GRIP1: variants seen among roughly 807,000 people sequenced by gnomAD.
The protein encoded by GRIP1 is glutamate receptor-interacting protein 1.
A neutral mutation model predicts 129.9 loss-of-function variants in GRIP1; 45 were observed. That is an observed-to-expected ratio of 0.35 (90% CI 0.27 to 0.44). The LOEUF is 0.44. GRIP1 is among the 20% of genes least tolerant of loss of function. The pLI, the probability that GRIP1 is intolerant of heterozygous loss-of-function variation, is 1.00. For missense variants in GRIP1, 1,196 were observed against 1,396.8 expected (o/e 0.86, Z 2.29); for synonymous variants, 530 against 520.8 (o/e 1.02, Z -0.24).
chr12:66,543,306 C>T (rs1236947179), intron 2 of GRIP1, among the ~76,000 whole-genome samples: 1 of 152,046 alleles, frequency 6.6e-6, no homozygotes, highest in Non-Finnish European at 1.5e-5. Flanking sequence ...ATGGCAGTCT[C>T]ATGACACTGT....
intron 16 of GRIP1, 147 bp downstream of exon 16, chr12:66,406,136 A>T (rs1322616535): frequency 8.6e-6 from 6 of 698,302 alleles, no homozygotes; most frequent in Non-Finnish European, 1.5e-5. Context: ...CTACACTCTC[A>T]GCACAAAATT....
intron 1 of GRIP1, among the ~76,000 whole-genome samples, chr12:66,707,568 T>C (rs2035577175): frequency 1.3e-5 from 2 of 149,836 alleles, no homozygotes; most frequent in African/African-American, 2.5e-5. Flanking sequence ...AGACGCTTAA[T>C]GTCCTTGGTC....
At chr12:66,989,724 G>T (rs1381547065) in intron 1 of GRIP1, among the ~76,000 whole-genome samples, 2 of 152,078 alleles carry the variant, frequency 1.3e-5, no homozygotes, top group Non-Finnish European at 1.5e-5. Context: ...CACTACACAA[G>T]GAAGAAAAAT....
chr12:67,018,055 G>A (rs576516269), intron 1 of GRIP1, among the ~76,000 whole-genome samples: 1 of 152,288 alleles, frequency 6.6e-6, no homozygotes, highest in Non-Finnish European at 1.5e-5. Flanking sequence ...AAGTTTGGCC[G>A]AGGTGTGGTT....
intron 2 of GRIP1, among the ~76,000 whole-genome samples, chr12:66,561,674 T>C (rs1337096904): frequency 1.3e-5 from 2 of 152,124 alleles, no homozygotes; most frequent in Non-Finnish European, 2.9e-5. Context: ...CACTAAATCC[T>C]TGTGTGCCCT....
At chr12:67,064,910 A>T in intron 1 of GRIP1, 1 of 57,818 alleles carries the variant, frequency 1.7e-5, no homozygotes, top group Non-Finnish European at 3.2e-5. Context: ...CCCTCCCCCC[A>T]CCCCACAACA....
chr12:67,050,949 T>A (rs951128202), intron 1 of GRIP1, among the ~76,000 whole-genome samples: 1 of 152,200 alleles, frequency 6.6e-6, no homozygotes, highest in Non-Finnish European at 1.5e-5. Flanking sequence ...ACTACGGGAA[T>A]GTCAGGACCT....
chr12:67,020,992 G>A (rs1453755184), intron 1 of GRIP1, among the ~76,000 whole-genome samples: 1 of 151,910 alleles, frequency 6.6e-6, no homozygotes, highest in African/African-American at 2.4e-5. Context: ...CAGATACTCT[G>A]GGAGCTGAAA....
chr12:66,620,752 A>G (rs1046199042), intron 1 of GRIP1, among the ~76,000 whole-genome samples: 5 of 149,262 alleles, frequency 3.3e-5, no homozygotes, highest in African/African-American at 1.2e-4. Context: ...TCTTCTTATG[A>G]CACTCTTCCC....
intron 2 of GRIP1, among the ~76,000 whole-genome samples, chr12:66,594,573 A>G (rs1351457893): frequency 1.3e-5 from 2 of 152,184 alleles, no homozygotes; most frequent in Non-Finnish European, 2.9e-5. Context: ...AATGTGGCCC[A>G]GGGAAGCTAA....
At chr12:66,523,267 G>A (rs2139010947) in intron 5 of GRIP1, among the ~76,000 whole-genome samples, 1 of 151,320 alleles carries the variant, frequency 6.6e-6, no homozygotes, top group East Asian at 1.9e-4. Flanking sequence ...AAATGTTAAA[G>A]GCAGCCAGAG....
chr12:66,989,384 T>G (rs745487149), intron 1 of GRIP1, among the ~76,000 whole-genome samples: 1 of 152,160 alleles, frequency 6.6e-6, no homozygotes, highest in Non-Finnish European at 1.5e-5. Context: ...AAGCGTCAAA[T>G]TTGGGAGTTA....
intron 2 of GRIP1, among the ~76,000 whole-genome samples, chr12:66,583,223 G>A (rs889008027): frequency 4.6e-5 from 7 of 150,912 alleles, no homozygotes; most frequent in Non-Finnish European, 1.0e-4. Flanking sequence ...GCTGAAACTG[G>A]ATCCCTTCCT....
intron 11 of GRIP1, among the ~76,000 whole-genome samples, chr12:66,452,980 A>G (rs950331541): frequency 6.6e-6 from 1 of 152,186 alleles, no homozygotes; most frequent in African/African-American, 2.4e-5. Flanking sequence ...TGATCTCCTG[A>G]GACACATTTA....
At chr12:66,645,064 T>G (rs1420678272) in intron 1 of GRIP1, among the ~76,000 whole-genome samples, 1 of 152,218 alleles carries the variant, frequency 6.6e-6, no homozygotes, top group Non-Finnish European at 1.5e-5. Flanking sequence ...AACCACAAAT[T>G]CAGATTCACA....
At chr12:66,544,579 G>A (rs984935638) in intron 2 of GRIP1, among the ~76,000 whole-genome samples, 4 of 152,202 alleles carry the variant, frequency 2.6e-5, no homozygotes, top group Non-Finnish European at 5.9e-5. Context: ...GGTTAGCTGA[G>A]CAGAGCAGAC....
intron 1 of GRIP1, among the ~76,000 whole-genome samples, chr12:67,031,668 G>A (rs2043024933): frequency 6.6e-6 from 1 of 152,080 alleles, no homozygotes; most frequent in Admixed American, 6.6e-5. Context: ...AATGTCTTCA[G>A]ACACCCATGT....
chr12:66,656,716 G>A (rs2033179964), intron 1 of GRIP1, among the ~76,000 whole-genome samples: 1 of 152,198 alleles, frequency 6.6e-6, no homozygotes, highest in South Asian at 2.1e-4. Flanking sequence ...TGCAAACAGT[G>A]TATCTAGGTC....
upstream of GRIP1, chr12:66,679,201 G>T: frequency 1.7e-6 from 2 of 1,208,582 alleles, no homozygotes; most frequent in Non-Finnish European, 2.2e-6. Flanking sequence ...ATTGTACAAA[G>T]CAGGGACGAC....
Sources: gnomAD v4.1 joint callset for allele counts (sites outside exome capture counted in the v4.1 genomes callset) on GRCh38, gnomAD v4.1.1 for gene constraint, MANE v1.5 for transcripts, NCBI Gene and HGNC (gene_info 2026-07-23, HGNC 2026-07-21) for gene names.